The following ZBTB20 variants were observed in gnomAD, a reference collection of about 807,000 sequenced individuals.
ZBTB20 encodes the protein zinc finger and BTB domain containing 20, also known as zinc finger and BTB domain-containing protein 20.
ZBTB20 carries 9 observed loss-of-function variants against 56.9 expected under a neutral mutation model. The observed-to-expected ratio is 0.16, with a 90% CI of 0.10 to 0.28. The LOEUF (loss-of-function observed/expected upper bound fraction) is 0.28, where lower values mean the gene tolerates loss of function less well. Among genes scored for constraint, ZBTB20 ranks in the 10% least tolerant of loss-of-function variants. The pLI is 1.00. For synonymous variants in ZBTB20, 417 were observed against 420.7 expected (o/e 0.99, Z 0.11); for missense variants, 655 against 1,003.0 (o/e 0.65, Z 4.69).
At chr3:114,881,516 G>A (rs2076395536) in intron 4 of ZBTB20, among the ~76,000 whole-genome samples, 1 of 151,788 alleles carries the variant, frequency 6.6e-6, no homozygotes, top group South Asian at 2.1e-4. Context: ...TATCTCACTA[G>A]GGGTTTGATT....
chr3:114,753,226 T>C (rs2067700867), intron 5 of ZBTB20, among the ~76,000 whole-genome samples: 1 of 148,580 alleles, frequency 6.7e-6, no homozygotes, highest in Non-Finnish European at 1.5e-5. Flanking sequence ...TTTTTATATA[T>C]ATAATGTATA....
intron 6 of ZBTB20, among the ~76,000 whole-genome samples, chr3:114,689,576 C>T (rs2062573033): frequency 6.6e-6 from 1 of 151,906 alleles, no homozygotes; most frequent in South Asian, 2.1e-4. Context: ...CATAAGGAAA[C>T]CTGAAGCAAG....
At chr3:115,005,901 G>T (rs962590384) in intron 2 of ZBTB20, among the ~76,000 whole-genome samples, 1 of 151,768 alleles carries the variant, frequency 6.6e-6, no homozygotes, top group Non-Finnish European at 1.5e-5. Flanking sequence ...TATGAGGTCT[G>T]TCTCTCCATT....
At chr3:114,468,712 C>A (rs954684493) in intron 7 of ZBTB20, among the ~76,000 whole-genome samples, 1 of 151,918 alleles carries the variant, frequency 6.6e-6, no homozygotes, top group African/African-American at 2.4e-5. Flanking sequence ...ATAGTCTTTG[C>A]AATGCTATTA....
intron 6 of ZBTB20, chr3:114,688,514 G>C (rs1417171637): frequency 3.3e-5 from 5 of 152,020 alleles, no homozygotes; most frequent in African/African-American, 1.2e-4. Flanking sequence ...TAGAGTGCAG[G>C]TCTTGATATA....
chr3:114,993,906 A>G (rs907194997), intron 2 of ZBTB20, among the ~76,000 whole-genome samples: 1 of 151,856 alleles, frequency 6.6e-6, no homozygotes, highest in African/African-American at 2.4e-5. Context: ...AATGATTAGA[A>G]CAAAAATTAA....
chr3:114,454,131 CAGAGAGAGAGGA>C lies in ZBTB20; in HGVS notation c.-255+46209_-255+46220del, dbSNP rs1289472570. Among the ~76,000 whole-genome samples, 70 of 106,552 alleles carry C rather than the reference CAGAGAGAGAGGA, an allele frequency of 6.6e-4. 1 individual carries two copies. The highest frequency in any genetic ancestry group is 6.3e-3 in the Middle Eastern group (1 of 160). 69.9% of individuals were successfully genotyped at this position (106,552 alleles called of 152,430 possible). A position where few individuals can be genotyped will look rare whatever the true frequency, so the allele number is the denominator to read the frequency against. ...GAGAGAGGGGAAGAGGGATGGGGGG[CAGAGAGAGAGGA>C]AGAGAGAGAGGAAGAGAGAGGAAAA... is the stretch of plus-strand genomic sequence containing the variant. On this transcript the variant is annotated intron_variant, in intron 7 of 11. Coordinates refer to ENST00000675478, the MANE Select transcript of ZBTB20 (RefSeq NM_001348800.3).
At chr3:114,844,610 A>G (rs536784262) in intron 4 of ZBTB20, among the ~76,000 whole-genome samples, 1 of 146,850 alleles carries the variant, frequency 6.8e-6, no homozygotes, top group Non-Finnish European at 1.5e-5. Flanking sequence ...CATGGTAAAC[A>G]TACATTTAAC....
At chr3:114,933,055 C>G (rs1323745541) in intron 3 of ZBTB20, among the ~76,000 whole-genome samples, 1 of 152,062 alleles carries the variant, frequency 6.6e-6, no homozygotes, top group Non-Finnish European at 1.5e-5. Flanking sequence ...AGACCCCAGC[C>G]ATTCTATACA....
At chr3:114,366,668 A>T (rs914893798) in intron 10 of ZBTB20, 1 of 152,254 alleles carries the variant, frequency 6.6e-6, no homozygotes, top group African/African-American at 2.4e-5. Context: ...ATCAAGTTCC[A>T]TACCCATGTG....
At chr3:114,766,970 T>C (rs2068834065) in intron 5 of ZBTB20, among the ~76,000 whole-genome samples, 1 of 152,108 alleles carries the variant, frequency 6.6e-6, no homozygotes, top group South Asian at 2.1e-4. Context: ...TCCCTCTTTA[T>C]GGTAATAGGA....
intron 1 of ZBTB20, among the ~76,000 whole-genome samples, chr3:115,110,078 G>A (rs1376988665): frequency 6.6e-6 from 1 of 152,116 alleles, no homozygotes; most frequent in African/African-American, 2.4e-5. Flanking sequence ...TGGGCATAGT[G>A]GCACATACCT....
At chr3:115,064,913 T>A (rs562094753) in intron 2 of ZBTB20, among the ~76,000 whole-genome samples, 1 of 152,222 alleles carries the variant, frequency 6.6e-6, no homozygotes, top group African/African-American at 2.4e-5. Context: ...TTTCCAATTA[T>A]GCATCTTGGT....
intron 6 of ZBTB20, among the ~76,000 whole-genome samples, chr3:114,503,117 T>C (rs964210406): frequency 6.6e-6 from 1 of 152,168 alleles, no homozygotes; most frequent in Non-Finnish European, 1.5e-5. Flanking sequence ...TGTACCCAAA[T>C]TGACTAACAC....
chr3:114,865,530 C>T (rs990251501), intron 4 of ZBTB20, among the ~76,000 whole-genome samples: 1 of 152,148 alleles, frequency 6.6e-6, no homozygotes, highest in African/African-American at 2.4e-5. Context: ...TGGCTTCCTT[C>T]CACCTCCTAT....
chr3:114,685,781 C>T (rs2108279709), intron 6 of ZBTB20, among the ~76,000 whole-genome samples: 1 of 152,104 alleles, frequency 6.6e-6, no homozygotes, highest in East Asian at 1.9e-4. Flanking sequence ...AACATAAATG[C>T]TTTTCATACC....
intron 5 of ZBTB20, among the ~76,000 whole-genome samples, chr3:114,707,993 C>T (rs1216735454): frequency 6.6e-6 from 1 of 152,174 alleles, no homozygotes; most frequent in East Asian, 1.9e-4. Flanking sequence ...CATATCTCCT[C>T]CACGTTCAGT....
intron 7 of ZBTB20, among the ~76,000 whole-genome samples, chr3:114,498,517 T>G (rs992874430): frequency 6.6e-6 from 1 of 152,122 alleles, no homozygotes; most frequent in Admixed American, 6.5e-5. Flanking sequence ...CCATCAACTG[T>G]GTCTATGGGA....
chr3:114,901,471 C>T (rs2075116432), intron 3 of ZBTB20, among the ~76,000 whole-genome samples: 1 of 152,054 alleles, frequency 6.6e-6, no homozygotes, highest in South Asian at 2.1e-4. Context: ...TTACAAAAGA[C>T]TTTCTAGAAA....
Sources: allele counts gnomAD v4.1 joint callset (sites outside exome capture counted in the v4.1 genomes callset), GRCh38; gene constraint gnomAD v4.1.1; transcripts MANE v1.5; gene names NCBI Gene and HGNC (gene_info 2026-07-23, HGNC 2026-07-21).